The following ATR variants were observed in gnomAD, a reference collection of about 807,000 sequenced individuals.
ATR encodes the protein ATR checkpoint kinase.
Under a neutral mutation model 305.3 loss-of-function variants are expected in ATR, and 142 were observed. That is an observed-to-expected ratio of 0.47 (90% CI 0.41 to 0.53). The LOEUF (loss-of-function observed/expected upper bound fraction) is 0.53, where lower values mean the gene tolerates loss of function less well. Among genes scored for constraint, ATR ranks in the 20% least tolerant of loss-of-function variants. The pLI is 0.00. For missense variants in ATR, 2,135 were observed against 3,133.1 expected (o/e 0.68, Z 7.60); for synonymous variants, 1,050 against 1,068.1 (o/e 0.98, Z 0.33).
chr3:142,576,979 A>C (rs1043439225), intron 1 of ATR, among the ~76,000 whole-genome samples: 8 of 152,224 alleles, frequency 5.3e-5, no homozygotes, highest in Non-Finnish European at 4.4e-5. Flanking sequence ...GAAAGCTTGA[A>C]TCTGAAACCT....
chr3:142,537,405 G>A (rs1163764037), intron 19 of ATR, among the ~76,000 whole-genome samples: 1 of 151,976 alleles, frequency 6.6e-6, no homozygotes, highest in African/African-American at 2.4e-5. Flanking sequence ...ATGATTATGA[G>A]AAAGGTAGAG....
intron 1 of ATR, among the ~76,000 whole-genome samples, chr3:142,570,115 C>T (rs941364646): frequency 6.6e-6 from 1 of 152,086 alleles, no homozygotes; most frequent in Non-Finnish European, 1.5e-5. Flanking sequence ...TTCTGTTTTT[C>T]ATCAGGTTAT....
chr3:142,568,037 T>G, intron 2 of ATR, 26 bp downstream of exon 2: 1 of 1,526,644 alleles, frequency 6.6e-7, no homozygotes, highest in East Asian at 2.3e-5. Flanking sequence ...TTATAAAGTT[T>G]ATATAAGAAA....
rs760525508 is a variant in ATR, at chr3:142,453,127, C to T, written c.7761+1G>A. ...CATATCAAGCTATACCTTCTACTAA[C>T]CTTTTCATTGACAACTTCTCCAGTT... On this transcript the variant is annotated splice_donor_variant, in intron 46 of 46. Coordinates refer to ENST00000350721, the MANE Select transcript of ATR (RefSeq NM_001184.4). LOFTEE classifies it high-confidence loss of function. 1.9e-6 allele frequency: 3 copies of T among 1,613,952 alleles called. No individual in the cohort carries two copies. The highest frequency in any genetic ancestry group is 2.7e-5 in the African/African-American group (2 of 74,924).
chr3:142,496,477 C>A lies in ATR; in HGVS notation c.5782G>T (p.Ala1928Ser). 1 of 1,612,472 alleles carries A rather than the reference C, an allele frequency of 6.2e-7. No individual in the cohort carries two copies. The highest frequency in any genetic ancestry group is 1.1e-5 in the South Asian group (1 of 90,976). The change falls in exon 34 of 47, where the codon GCC (alanine) becomes TCC (serine). Residue 1928 changes from alanine to serine, a missense_variant. Coordinates refer to ENST00000350721, the MANE Select transcript of ATR (RefSeq NM_001184.4). ...EMVGECWLQS[A>S]RVARKAGHHQ... ...TGACCAGCCTTTCTAGCTACCCTGGCACTCTGCAGCCAGCATTCTCCAACC... is the reference window on the plus strand; with the variant it reads ...TGACCAGCCTTTCTAGCTACCCTGGAACTCTGCAGCCAGCATTCTCCAACC...
chr3:142,519,894 A>G (rs1396696594), intron 23 of ATR, 110 bp from the exon 24 acceptor site: 1 of 852,456 alleles, frequency 1.2e-6, no homozygotes. Context: ...AACTCATTTT[A>G]TTGCACTTCG....
chr3:142,550,390 A>T, intron 13 of ATR, 88 bp from the exon 14 acceptor site: 1 of 1,365,080 alleles, frequency 7.3e-7, no homozygotes, highest in Non-Finnish European at 1.0e-6. Flanking sequence ...GGGCAGTATC[A>T]AATAGTATTC....
chr3:142,507,540 C>T (rs1424445183), intron 28 of ATR, among the ~76,000 whole-genome samples: 1 of 152,236 alleles, frequency 6.6e-6, no homozygotes, highest in Admixed American at 6.5e-5. Context: ...TATTTGTGAT[C>T]TTTCCTCTAC....
chr3:142,499,213 G>T, intron 31 of ATR: 1 of 347,710 alleles, frequency 2.9e-6, no homozygotes, highest in Non-Finnish European at 5.5e-6. Context: ...ACTAAACAAG[G>T]CAATCATAAA....
chr3:142,568,135 T>C lies in ATR; in HGVS notation c.79A>G (p.Asn27Asp). The change falls in exon 2 of 47, where the codon AAT (asparagine) becomes GAT (aspartate). Residue 27 changes from asparagine (N) to aspartate (D), a missense_variant. Asn to Asp is a conservative substitution (Grantham distance 23). Transcript: ENST00000350721. The stretch of plus-strand genomic sequence containing the variant: ...TGTCTTGGCTTCTGTACAACTGTAT[T>C]ATATTCCTCTGGTGTGGCACTAAAA... ...ELGSATPEEY[N>D]TVVQKPRQIL... 1 of 1,612,322 alleles carries C rather than the reference T, an allele frequency of 6.2e-7. No individual in the cohort carries two copies. The highest frequency in any genetic ancestry group is 8.5e-7 in the Non-Finnish European group (1 of 1,178,574).
intron 24 of ATR, among the ~76,000 whole-genome samples, chr3:142,519,453 C>A (rs1264093272): frequency 6.6e-6 from 1 of 152,028 alleles, no homozygotes; most frequent in Non-Finnish European, 1.5e-5. Flanking sequence ...AGATGTGCAC[C>A]ACCACGCCCG....
At chr3:142,458,795 C>T (rs534169099) in intron 44 of ATR, among the ~76,000 whole-genome samples, 163 bp downstream of exon 44, 44 of 152,210 alleles carry the variant, frequency 2.9e-4, no homozygotes, top group African/African-American at 1.0e-3. Context: ...CATCCTAATA[C>T]GCATTACTAC....
intron 35 of ATR, among the ~76,000 whole-genome samples, chr3:142,486,456 TC>T (rs1401332119): frequency 6.6e-6 from 1 of 152,100 alleles, no homozygotes; most frequent in Non-Finnish European, 1.5e-5. Flanking sequence ...TGCCTTCCTT[TC>T]TTCCTCCTTC....
chr3:142,568,101 C>G lies in ATR; in HGVS notation c.113G>C (p.Cys38Ser), dbSNP rs756508315. Residue 38 changes from cysteine to serine, a missense_variant, in exon 2 of 47, where the codon TGT becomes TCT. Transcript: ENST00000350721. ...TGTAAGTATCCGGTCAATGAATTGACACAGAATTTGTCTTGGCTTCTGTAC... is the reference window on the plus strand; with the variant it reads ...TGTAAGTATCCGGTCAATGAATTGAGACAGAATTTGTCTTGGCTTCTGTAC... The part of the protein sequence containing the change: ...TVVQKPRQIL[C>S]QFIDRILTDV... 1 of 1,612,526 alleles carries G rather than the reference C, an allele frequency of 6.2e-7. No individual in the cohort carries two copies. The highest frequency in any genetic ancestry group is 8.5e-7 in the Non-Finnish European group (1 of 1,179,056).
At chr3:142,547,940 T>A in intron 15 of ATR, 30 bp from the exon 16 acceptor site, 1 of 1,601,580 alleles carries the variant, frequency 6.2e-7, no homozygotes, top group Admixed American at 1.7e-5. Flanking sequence ...AAAAAAATTT[T>A]TTTCTTCATA....
At chr3:142,464,499 AATAG>A (rs1285011172) in intron 41 of ATR, among the ~76,000 whole-genome samples, 1 of 152,234 alleles carries the variant, frequency 6.6e-6, no homozygotes, top group Admixed American at 6.5e-5. Flanking sequence ...TCACTGGATA[AATAG>A]ATAAATAAAA....
At chr3:142,450,842 C>T in intron 46 of ATR, 1 of 1,360,754 alleles carries the variant, frequency 7.3e-7, no homozygotes, top group South Asian at 1.5e-5. Context: ...GTTCAGTTGC[C>T]ATTTCTGGAA....
At chr3:142,522,610 G>T in intron 23 of ATR, 118 bp downstream of exon 23, 1 of 883,230 alleles carries the variant, frequency 1.1e-6, no homozygotes, top group Non-Finnish European at 1.9e-6. Flanking sequence ...TCATGAACTT[G>T]TATAACTTTG....
intron 2 of ATR, among the ~76,000 whole-genome samples, chr3:142,566,483 G>A (rs2035076430): frequency 6.6e-6 from 1 of 151,924 alleles, no homozygotes; most frequent in Non-Finnish European, 1.5e-5. Context: ...AAATTAGCTG[G>A]GAGTGGTAGT....
Sources: gnomAD v4.1 joint callset for allele counts (sites outside exome capture counted in the v4.1 genomes callset) on GRCh38, gnomAD v4.1.1 for gene constraint, MANE v1.5 for transcripts, NCBI Gene and HGNC (gene_info 2026-07-23, HGNC 2026-07-21) for gene names.